Variants in MKLN1 observed in about 807,000 individuals in gnomAD.
The protein encoded by MKLN1 is muskelin 1.
Under a neutral mutation model 99.0 loss-of-function variants are expected in MKLN1, and 18 were observed. The observed-to-expected ratio is 0.18, with a 90% CI of 0.13 to 0.27. The LOEUF (loss-of-function observed/expected upper bound fraction) is 0.27, where lower values mean the gene tolerates loss of function less well. Among genes scored for constraint, MKLN1 ranks in the 10% least tolerant of loss-of-function variants. MKLN1 has a pLI of 1.00. For missense variants in MKLN1, 621 were observed against 875.9 expected, an observed-to-expected ratio of 0.71 and a Z score of 3.67; for synonymous variants, 288 against 293.2, an observed-to-expected ratio of 0.98 and a Z score of 0.18.
intron 12 of MKLN1, among the ~76,000 whole-genome samples, chr7:131,448,060 A>T (rs1365110917): frequency 6.6e-6 from 1 of 152,034 alleles, no homozygotes; most frequent in Non-Finnish European, 1.5e-5. Flanking sequence ...AACCCCATCT[A>T]TACTAAAAAT....
chr7:131,228,139 A>G (rs1359967586), intron 3 of MKLN1, among the ~76,000 whole-genome samples: 2 of 152,058 alleles, frequency 1.3e-5, no homozygotes, highest in South Asian at 2.1e-4. Flanking sequence ...CCTCCACTCA[A>G]TGCAGCCTTA....
chr7:131,462,105 T>C (rs1165989527), intron 12 of MKLN1, among the ~76,000 whole-genome samples: 1 of 152,140 alleles, frequency 6.6e-6, no homozygotes, highest in Non-Finnish European at 1.5e-5. Context: ...TGATAATAGC[T>C]CATGGCAGTT....
chr7:131,327,844 T>C (rs937113305), upstream of MKLN1: 20 of 1,596,690 alleles, frequency 1.3e-5, no homozygotes, highest in Admixed American at 2.5e-4. Context: ...CCACGCCCCC[T>C]CCCCTCCTCC....
intron 1 of MKLN1, among the ~76,000 whole-genome samples, chr7:131,136,239 G>A (rs1484347869): frequency 1.3e-5 from 2 of 152,166 alleles, no homozygotes; most frequent in Admixed American, 1.3e-4. Context: ...GCTGACTTCC[G>A]CCCTTTTTGG....
intron 8 of MKLN1, among the ~76,000 whole-genome samples, chr7:131,417,365 A>C (rs1795049860): frequency 6.6e-6 from 1 of 152,034 alleles, no homozygotes; most frequent in Non-Finnish European, 1.5e-5. Flanking sequence ...TTTTTCTTTT[A>C]TTCGTTATGA....
At chr7:131,373,697 G>A (rs138577093) in intron 1 of MKLN1, among the ~76,000 whole-genome samples, 157 of 152,262 alleles carry the variant, frequency 1.0e-3, no homozygotes, top group Non-Finnish European at 1.9e-3. Flanking sequence ...TACTATATAT[G>A]TTCTTTACGC....
chr7:131,184,992 G>A (rs374021107), intron 2 of MKLN1, among the ~76,000 whole-genome samples: 3 of 152,128 alleles, frequency 2.0e-5, no homozygotes, highest in Non-Finnish European at 4.4e-5. Context: ...GAGTCAACAC[G>A]GCAGACACAT....
At chr7:131,231,209 A>G (rs922079853) in intron 3 of MKLN1, among the ~76,000 whole-genome samples, 4 of 148,230 alleles carry the variant, frequency 2.7e-5, no homozygotes, top group Admixed American at 2.0e-4. Flanking sequence ...ACAGGATTGT[A>G]GCGGTACAGA....
chr7:131,325,010 G>A (rs1798855413), upstream of MKLN1, among the ~76,000 whole-genome samples: 1 of 152,114 alleles, frequency 6.6e-6, no homozygotes, highest in Non-Finnish European at 1.5e-5. Flanking sequence ...TTATACCTCA[G>A]GGATACACGT....
chr7:131,135,471 T>C (rs60912734), intron 1 of MKLN1, among the ~76,000 whole-genome samples: 44,504 of 151,974 alleles, frequency 0.29, 6,837 homozygotes, highest in African/African-American at 0.39. Context: ...GTGAGAAATA[T>C]GGTATTTAAG....
intron 2 of MKLN1, among the ~76,000 whole-genome samples, chr7:131,170,152 A>G (rs1394153519): frequency 6.6e-6 from 1 of 152,222 alleles, no homozygotes; most frequent in Non-Finnish European, 1.5e-5. Context: ...TTGAGGAGTC[A>G]TAACATGATC....
intron 3 of MKLN1, among the ~76,000 whole-genome samples, chr7:131,248,450 A>C (rs956857623): frequency 6.6e-6 from 1 of 152,150 alleles, no homozygotes; most frequent in African/African-American, 2.4e-5. Context: ...TGCAACAACA[A>C]AAAAGTCAAT....
At chr7:131,192,505 CAT>C (rs558225211) in intron 2 of MKLN1, among the ~76,000 whole-genome samples, 7,394 of 120,084 alleles carry the variant, frequency 0.062, 255 homozygotes, top group Non-Finnish European at 0.091. Flanking sequence ...AATATATACA[CAT>C]ATAAATATAA....
At chr7:131,174,974 G>C (rs1796272178) in intron 2 of MKLN1, among the ~76,000 whole-genome samples, 2 of 149,998 alleles carry the variant, frequency 1.3e-5, no homozygotes, top group African/African-American at 2.4e-5. Flanking sequence ...TAGATAGATA[G>C]ATAGATAGAT....
chr7:131,483,544 T>A (rs1174720023), intron 17 of MKLN1, among the ~76,000 whole-genome samples: 1 of 152,244 alleles, frequency 6.6e-6, no homozygotes, highest in Non-Finnish European at 1.5e-5. Context: ...TTCACTAACA[T>A]TAAGTTCATG....
At chr7:131,485,120 T>G (rs1432140417) in intron 17 of MKLN1, among the ~76,000 whole-genome samples, 3 of 152,038 alleles carry the variant, frequency 2.0e-5, no homozygotes, top group African/African-American at 7.2e-5. Flanking sequence ...AAAGATGAAT[T>G]TGGATATATA....
chr7:131,339,594 G>C (rs1799346654), intron 1 of MKLN1, among the ~76,000 whole-genome samples: 1 of 152,020 alleles, frequency 6.6e-6, no homozygotes, highest in African/African-American at 2.4e-5. Context: ...AGCTGTTTGG[G>C]AGGCTGAGGC....
intron 12 of MKLN1, among the ~76,000 whole-genome samples, chr7:131,461,010 A>G (rs570812026): frequency 1.1e-4 from 17 of 152,190 alleles, no homozygotes; most frequent in South Asian, 6.2e-4. Flanking sequence ...AGAAAATACA[A>G]TTGTCCCTTG....
At chr7:131,468,325 C>T (rs1169930605) in intron 15 of MKLN1, among the ~76,000 whole-genome samples, 1 of 152,172 alleles carries the variant, frequency 6.6e-6, no homozygotes, top group African/African-American at 2.4e-5. Context: ...GACATCGCTA[C>T]ATTATAGACA....
Sources: gnomAD v4.1 joint callset for allele counts (sites outside exome capture counted in the v4.1 genomes callset) on GRCh38, gnomAD v4.1.1 for gene constraint, MANE v1.5 for transcripts, NCBI Gene and HGNC (gene_info 2026-07-23, HGNC 2026-07-21) for gene names.